The following ZBBX variants were observed in gnomAD, a reference collection of about 807,000 sequenced individuals.
The protein encoded by ZBBX is zinc finger B-box domain containing.
In ZBBX, 101 loss-of-function variants were observed where a neutral mutation model predicts 108.5. That is an observed-to-expected ratio of 0.93 (90% CI 0.79 to 1.10). The LOEUF is 1.10. Ranked by LOEUF, ZBBX falls within the 50% of genes least tolerant of loss-of-function variation. The pLI, the probability that ZBBX is intolerant of heterozygous loss-of-function variation, is 0.00. For missense variants in ZBBX, 1,009 were observed against 941.4 expected (o/e 1.07, Z -0.94); for synonymous variants, 356 against 323.4 (o/e 1.10, Z -1.08).
the ZBBX span, among the ~76,000 whole-genome samples, chr3:167,213,520 A>C: frequency 2.0e-5 from 3 of 152,190 alleles, no homozygotes; most frequent in African/African-American, 7.2e-5. Flanking sequence ...GCAAGGAACA[A>C]AACCTCCAAC....
the ZBBX span, among the ~76,000 whole-genome samples, chr3:167,227,662 A>G: frequency 6.6e-6 from 1 of 151,776 alleles, no homozygotes; most frequent in Admixed American, 6.6e-5. Context: ...ATACAAGTTT[A>G]CAATTTTACA....
intron 19 of ZBBX, among the ~76,000 whole-genome samples, chr3:167,284,210 A>T (rs1307837616): frequency 1.3e-5 from 2 of 150,166 alleles, no homozygotes; most frequent in Non-Finnish European, 1.5e-5. Flanking sequence ...ATATATAATT[A>T]TCCCTGAGAA....
chr3:167,258,442 T>G (rs7630916), intron 20 of ZBBX, among the ~76,000 whole-genome samples: 124,584 of 152,082 alleles, frequency 0.82, 51,424 homozygotes, highest in African/African-American at 0.93. Flanking sequence ...ACCATTTGTT[T>G]AAAAGGGTGA....
the ZBBX span, among the ~76,000 whole-genome samples, chr3:167,206,191 A>G: frequency 6.6e-6 from 1 of 151,870 alleles, no homozygotes; most frequent in African/African-American, 2.4e-5. Flanking sequence ...ATTTCTATGT[A>G]TTTGACTTTT....
downstream of ZBBX, among the ~76,000 whole-genome samples, chr3:167,234,894 G>T (rs1420804123): frequency 2.0e-5 from 3 of 151,892 alleles, no homozygotes; most frequent in Middle Eastern, 3.4e-3. Context: ...AGCTACCTCA[G>T]CTAGGAGACA....
intron 16 of ZBBX, 110 bp from the exon 17 acceptor site, chr3:167,306,060 T>C: frequency 1.2e-6 from 1 of 811,106 alleles, no homozygotes; most frequent in Non-Finnish European, 1.8e-6. Flanking sequence ...ATAAACACTA[T>C]TTCACAAATT....
intron 9 of ZBBX, among the ~76,000 whole-genome samples, chr3:167,348,612 A>AT (rs1250587977): frequency 6.6e-6 from 1 of 152,010 alleles, no homozygotes; most frequent in Non-Finnish European, 1.5e-5. Context: ...AATTGTACAC[A>AT]TTTTTTATTT....
At chr3:167,332,582 T>C (rs1484410600) in intron 10 of ZBBX, among the ~76,000 whole-genome samples, 1 of 152,138 alleles carries the variant, frequency 6.6e-6, no homozygotes, top group Admixed American at 6.6e-5. Flanking sequence ...ATCTGTTAAA[T>C]TGGGGTAATA....
At chr3:167,249,069 C>T (rs754881987) in intron 20 of ZBBX, among the ~76,000 whole-genome samples, 7 of 152,230 alleles carry the variant, frequency 4.6e-5, no homozygotes, top group Non-Finnish European at 7.3e-5. Flanking sequence ...CTATACTCCT[C>T]TGGAGTGTAT....
chr3:167,288,028 A>T (rs189477455), intron 19 of ZBBX, among the ~76,000 whole-genome samples: 39 of 152,224 alleles, frequency 2.6e-4, no homozygotes, highest in Non-Finnish European at 1.2e-4. Flanking sequence ...TTTCTCAGGT[A>T]TTCCTCCTAA....
chr3:167,361,795 T>C (rs1400370623), intron 6 of ZBBX, among the ~76,000 whole-genome samples: 1 of 152,186 alleles, frequency 6.6e-6, no homozygotes, highest in Non-Finnish European at 1.5e-5. Flanking sequence ...AACCAAATTA[T>C]CCAGTATGAC....
At chr3:167,398,264 C>G (rs532478889) in intron 1 of ZBBX, among the ~76,000 whole-genome samples, 1 of 151,970 alleles carries the variant, frequency 6.6e-6, no homozygotes, top group Non-Finnish European at 1.5e-5. Flanking sequence ...TATTTTATCA[C>G]AGCAAAAAAA....
intron 18 of ZBBX, among the ~76,000 whole-genome samples, chr3:167,295,615 G>A (rs898360127): frequency 2.0e-5 from 3 of 149,802 alleles, no homozygotes; most frequent in South Asian, 2.1e-4. Context: ...ACCATGGCAC[G>A]TGTATACCTA....
intron 5 of ZBBX, among the ~76,000 whole-genome samples, 185 bp downstream of exon 5, chr3:167,368,275 AG>A (rs1365537328): frequency 1.3e-5 from 2 of 151,940 alleles, no homozygotes; most frequent in Non-Finnish European, 2.9e-5. Context: ...AATTTTAAAA[AG>A]CAACATGTCT....
the ZBBX span, among the ~76,000 whole-genome samples, chr3:167,189,431 T>C: frequency 1.3e-5 from 2 of 152,066 alleles, no homozygotes; most frequent in African/African-American, 4.8e-5. Flanking sequence ...TTCTCAGAAG[T>C]TTCAAAAATA....
intron 1 of ZBBX, among the ~76,000 whole-genome samples, chr3:167,406,889 T>A (rs1185248282): frequency 6.6e-6 from 1 of 152,186 alleles, no homozygotes; most frequent in Non-Finnish European, 1.5e-5. Context: ...TTAATTTGTA[T>A]GTAGGATTTG....
In ZBBX at chr3:167,290,597, G is replaced by A. The variant is rs192600363; in HGVS notation, c.1880-1614C>T. Among the ~76,000 whole-genome samples the A allele has an allele frequency of 1.2e-4, 18 of 152,302 alleles. No individual in the cohort carries two copies. The East Asian group carries it at 2.9e-3, about 25-fold the overall frequency. On this transcript the variant is annotated intron_variant, in intron 18 of 21. Transcript: ENST00000675490. ...AGGTAGATAAATTCACGAAGATGGG[G>A]AGAAACCAGTGCAGAAGGGCTGAAA...
At chr3:167,221,027 GA>G in the ZBBX span, among the ~76,000 whole-genome samples, 1 of 151,594 alleles carries the variant, frequency 6.6e-6, no homozygotes, top group Non-Finnish European at 1.5e-5. Context: ...TTTCCACAAT[GA>G]AAACTATAAA....
chr3:167,191,551 A>T, the ZBBX span, among the ~76,000 whole-genome samples: 11 of 152,024 alleles, frequency 7.2e-5, no homozygotes, highest in African/African-American at 2.7e-4. Flanking sequence ...TGATGGTTTT[A>T]AAAATGGGAG....
Sources: gnomAD v4.1 joint callset for allele counts (sites outside exome capture counted in the v4.1 genomes callset) on GRCh38, gnomAD v4.1.1 for gene constraint, MANE v1.5 for transcripts, NCBI Gene and HGNC (gene_info 2026-07-23, HGNC 2026-07-21) for gene names.